The following SACS variants were observed in gnomAD, a reference collection of about 807,000 sequenced individuals.
The protein encoded by SACS is sacsin molecular chaperone, also known as sacsin.
In SACS, 197 loss-of-function variants were observed where a neutral mutation model predicts 348.0. That is an observed-to-expected ratio of 0.57 (90% CI 0.50 to 0.64). The LOEUF is 0.64. Among genes scored for constraint, SACS ranks in the 30% least tolerant of loss-of-function variants. The probability of loss-of-function intolerance (pLI) is 0.00; values close to 1 mark genes in which losing one functional copy is unlikely to be tolerated. For synonymous variants in SACS, 1,985 were observed against 1,910.6 expected (o/e 1.04, Z -1.02); for missense variants, 4,999 against 5,360.8 (o/e 0.93, Z 2.11).
At chr13:23,397,453 T>C (rs1385162025) in intron 2 of SACS, among the ~76,000 whole-genome samples, 1 of 152,202 alleles carries the variant, frequency 6.6e-6, no homozygotes, top group Non-Finnish European at 1.5e-5. Context: ...ATAAGGTTTC[T>C]TTTTTAATGC....
chr13:23,383,847 A>G (rs1057211083), intron 2 of SACS, among the ~76,000 whole-genome samples: 3 of 152,166 alleles, frequency 2.0e-5, no homozygotes, highest in African/African-American at 7.2e-5. Flanking sequence ...GGAGACATTC[A>G]AGAGCAGAAA....
chr13:23,339,122 AT>A lies in SACS; in HGVS notation c.4753del (p.Ile1585Ter). 1 of 1,610,926 alleles carries A rather than the reference AT, an allele frequency of 6.2e-7. No homozygotes were observed. The highest frequency in any genetic ancestry group is 8.5e-7 in the Non-Finnish European group (1 of 1,178,032). On this transcript the variant is annotated frameshift_variant, in exon 10 of 10. Coordinates refer to ENST00000382292, the MANE Select transcript of SACS (RefSeq NM_014363.6). LOFTEE classifies it high-confidence loss of function. ...REFMIMFDPN[I>X]NHISKHIKDK... is the part of the protein sequence containing the mutation. ...TTTAATGTGTTTACTGATATGATTT[AT>A]GTTTGGATCGAACATTATCATGAAT...
At chr13:23,405,650 A>T (rs2137942770) in intron 2 of SACS, among the ~76,000 whole-genome samples, 1 of 152,314 alleles carries the variant, frequency 6.6e-6, no homozygotes, top group South Asian at 2.1e-4. Context: ...TCCATCTGAC[A>T]AAGGGCTAAT....
intron 1 of SACS, chr13:23,419,402 C>T (rs529922856): frequency 1.3e-5 from 2 of 152,362 alleles, no homozygotes; most frequent in African/African-American, 2.4e-5. Flanking sequence ...TTAAGGGTGG[C>T]CTTAGCAATT....
rs547615463 is a variant in SACS at position 23,418,556 on chromosome 13, G to A, written c.-501-6816C>T. ...GAGTCTTGCTCTGTCTCTCCAGCTG[G>A]AGGGCAGTGGCTGATCTCTGCTCAC... On this transcript the variant is annotated intron_variant, in intron 1 of 9. Transcript: ENST00000382292. Among the ~76,000 whole-genome samples the A allele has an allele frequency of 3.9e-5, 6 of 152,114 alleles. No individual in the cohort carries two copies. The South Asian group carries it at 1.2e-3, about 32-fold the overall frequency.
Position 23,338,520 on chromosome 13 carries a change from C to T in SACS, c.5356G>A (p.Asp1786Asn), listed in dbSNP as rs763496360. ...DLQSPLFRGPDDDPAALFEMA... is the reference protein window; with the variant it reads ...DLQSPLFRGPNDDPAALFEMA... ...TCAAAGAGAGCAGCTGGGTCATCATCTGGACCTCTAAAAAGTGGCGACTGT... is the reference window on the plus strand; with the variant it reads ...TCAAAGAGAGCAGCTGGGTCATCATTTGGACCTCTAAAAAGTGGCGACTGT... Residue 1786 changes from aspartate (D) to asparagine (N), a missense_variant, in exon 10 of 10, where the codon GAT becomes AAT. Asp to Asn is a conservative substitution (Grantham distance 23, BLOSUM62 1). Transcript: ENST00000382292. 1.5e-5 allele frequency: 25 copies of T among 1,614,098 alleles called. No homozygotes were observed. Among genetic ancestry groups the T allele is most frequent in the Non-Finnish European group, 1.9e-5 (22 of 1,180,028 alleles).
intron 5 of SACS, among the ~76,000 whole-genome samples, chr13:23,368,148 G>A (rs970572167): frequency 6.6e-6 from 1 of 152,032 alleles, no homozygotes; most frequent in African/African-American, 2.4e-5. Context: ...GAACATTCCC[G>A]GAGCGACACT....
At position 23,340,765 on chromosome 13, in the gene SACS, T is replaced by C. The variant is rs1299826374; in HGVS notation, c.3111A>G (p.Leu1037=). The change falls in exon 10 of 10, where the codon TTA becomes TTG. Residue 1037 remains leucine, a synonymous_variant. Coordinates refer to ENST00000382292, the MANE Select transcript of SACS (RefSeq NM_014363.6). ...NPNVLEWLTP[L]KFIQISQEQM... ...GTTCCTGTGATATCTGGATGAATTT[T>C]AATGGTGTTAACCACTCAAGCACAT... 3 of 1,606,124 alleles carry C rather than the reference T, an allele frequency of 1.9e-6. No individual in the cohort carries two copies. The highest frequency in any genetic ancestry group is 2.5e-6 in the Non-Finnish European group (3 of 1,176,970).
chr13:23,375,686 A>G, intron 2 of SACS: 1 of 434,706 alleles, frequency 2.3e-6, no homozygotes, highest in African/African-American at 4.6e-5. Flanking sequence ...ACGCCCATCC[A>G]GGCCCCGCCC....
At chr13:23,378,593 A>G (rs1267677017) in intron 2 of SACS, among the ~76,000 whole-genome samples, 1 of 152,048 alleles carries the variant, frequency 6.6e-6, no homozygotes, top group Admixed American at 6.5e-5. Context: ...GGTGAGCACT[A>G]CCATGCTTGG....
intron 1 of SACS, among the ~76,000 whole-genome samples, chr13:23,419,513 C>T (rs979855932): frequency 2.0e-5 from 3 of 152,222 alleles, no homozygotes; most frequent in South Asian, 4.2e-4. Context: ...CCTAATGTTT[C>T]TTGGGAAACC....
At chr13:23,370,602 A>G (rs1200088185) in intron 4 of SACS, among the ~76,000 whole-genome samples, 1 of 152,138 alleles carries the variant, frequency 6.6e-6, no homozygotes, top group African/African-American at 2.4e-5. Flanking sequence ...CCTTTGGCCA[A>G]TGACACCCCA....
At position 23,337,974 on chromosome 13, in the gene SACS, C is replaced by A. The variant is rs1216124841; in HGVS notation, c.5902G>T (p.Ala1968Ser). ...GTCAGTTCTTTCCCTTTTCCATGAG[C>A]TATATCTTCATAAAATCCTTGGCAA... The part of the protein sequence containing the change: ...VICQGFYEDI[A>S]HGKGKELTKV... Residue 1968 changes from alanine to serine, a missense_variant, in exon 10 of 10, where the codon GCT becomes TCT. This residue lies in a region of SACS where 3,156 missense variants were observed against 3,380.1 expected (regional missense o/e 0.93). Coordinates refer to ENST00000382292, the MANE Select transcript of SACS (RefSeq NM_014363.6). 1 of 1,613,968 alleles carries A rather than the reference C, an allele frequency of 6.2e-7. No individual in the cohort carries two copies. Among genetic ancestry groups the A allele is most frequent in the Non-Finnish European group, 8.5e-7 (1 of 1,179,926 alleles).
At chr13:23,417,978 AGG>A (rs1262604971) in intron 1 of SACS, among the ~76,000 whole-genome samples, 2 of 150,892 alleles carry the variant, frequency 1.3e-5, no homozygotes, top group Admixed American at 1.3e-4. Context: ...CTGAGGTGGG[AGG>A]ATCACTTGAG....
intron 1 of SACS, chr13:23,428,565 G>A (rs1874290613): frequency 6.6e-6 from 1 of 152,138 alleles, no homozygotes; most frequent in East Asian, 1.9e-4. Flanking sequence ...ATATAATCCT[G>A]AAATTAAATA....
chr13:23,426,228 A>G (rs1388507544), intron 1 of SACS, among the ~76,000 whole-genome samples: 1 of 152,184 alleles, frequency 6.6e-6, no homozygotes, highest in African/African-American at 2.4e-5. Flanking sequence ...TTATTTTGTC[A>G]AGGTTGAGGA....
chr13:23,372,577 G>A (rs1315400938), intron 3 of SACS, among the ~76,000 whole-genome samples: 1 of 152,150 alleles, frequency 6.6e-6, no homozygotes, highest in Non-Finnish European at 1.5e-5. Flanking sequence ...TTTGGCAACT[G>A]TTACATATAC....
chr13:23,393,815 C>A (rs1872616104), intron 2 of SACS, among the ~76,000 whole-genome samples: 1 of 152,050 alleles, frequency 6.6e-6, no homozygotes. Context: ...GGCTGGAGTG[C>A]AGTGGCACGA....
chr13:23,374,332 T>C (rs1456814774), intron 3 of SACS, among the ~76,000 whole-genome samples: 2 of 152,200 alleles, frequency 1.3e-5, no homozygotes, highest in Admixed American at 6.5e-5. Flanking sequence ...TCACCAATAA[T>C]ATTTGTATCG....
Sources: allele counts gnomAD v4.1 joint callset (sites outside exome capture counted in the v4.1 genomes callset), GRCh38; gene constraint gnomAD v4.1.1; regional missense constraint gnomAD v4.1.1; transcripts MANE v1.5; gene names NCBI Gene and HGNC (gene_info 2026-07-23, HGNC 2026-07-21).